Variants in TMEM232 observed in about 807,000 individuals in gnomAD.
TMEM232 encodes transmembrane protein 232.
TMEM232 carries 80 observed loss-of-function variants against 78.8 expected under a neutral mutation model. The ratio of observed to expected loss-of-function variants is 1.01; its 90% CI spans 0.85 to 1.22. TMEM232 has a LOEUF of 1.22. Among genes scored for constraint, TMEM232 ranks in the 50% most tolerant of loss-of-function variants. The pLI, the probability that TMEM232 is intolerant of heterozygous loss-of-function variation, is 0.00. For synonymous variants in TMEM232, 297 were observed against 254.3 expected (o/e 1.17, Z -1.60); for missense variants, 881 against 742.2 (o/e 1.19, Z -2.17).
intron 10 of TMEM232, among the ~76,000 whole-genome samples, chr5:110,570,838 G>A (rs1278475963): frequency 2.0e-5 from 3 of 151,802 alleles, no homozygotes; most frequent in Admixed American, 2.0e-4. Context: ...ATTCCAAATC[G>A]CATGGCCAGG....
intron 1 of TMEM232, among the ~76,000 whole-genome samples, chr5:110,701,554 C>T (rs902399115): frequency 2.0e-5 from 3 of 152,002 alleles, no homozygotes; most frequent in African/African-American, 7.2e-5. Flanking sequence ...AGCTCTCATA[C>T]TCTTTTGTCC....
intron 12 of TMEM232, among the ~76,000 whole-genome samples, chr5:110,526,921 T>C (rs1254517806): frequency 6.6e-6 from 1 of 151,864 alleles, no homozygotes; most frequent in Non-Finnish European, 1.5e-5. Flanking sequence ...AAAATTTATC[T>C]GAAATGAGGC....
At chr5:110,548,499 C>G (rs1465493578) in intron 11 of TMEM232, among the ~76,000 whole-genome samples, 1 of 150,636 alleles carries the variant, frequency 6.6e-6, no homozygotes, top group Non-Finnish European at 1.5e-5. Flanking sequence ...TAACCAGTAA[C>G]AGTAAAATAA....
downstream of TMEM232, among the ~76,000 whole-genome samples, chr5:110,417,169 A>G (rs1385530051): frequency 6.6e-6 from 1 of 152,236 alleles, no homozygotes; most frequent in Non-Finnish European, 1.5e-5. Context: ...GTAAGCATAA[A>G]TGATAAAACA....
At chr5:110,610,594 T>C (rs754766831) in intron 8 of TMEM232, 3 of 455,372 alleles carry the variant, frequency 6.6e-6, no homozygotes, top group South Asian at 3.1e-5. Flanking sequence ...TTTGCCTCAA[T>C]AGGCTCCTAA....
chr5:110,458,334 G>A (rs1387665320), intron 12 of TMEM232, among the ~76,000 whole-genome samples: 1 of 151,676 alleles, frequency 6.6e-6, no homozygotes, highest in African/African-American at 2.4e-5. Flanking sequence ...TCATATGTTG[G>A]CTTTGAGGAG....
intron 7 of TMEM232, among the ~76,000 whole-genome samples, chr5:110,619,889 A>C (rs1011009417): frequency 2.0e-5 from 3 of 152,160 alleles, no homozygotes; most frequent in African/African-American, 7.2e-5. Context: ...CATGTTGTGC[A>C]CATGTACCCT....
At chr5:110,575,954 C>T (rs1423559426) in intron 10 of TMEM232, among the ~76,000 whole-genome samples, 1 of 151,834 alleles carries the variant, frequency 6.6e-6, no homozygotes, top group Non-Finnish European at 1.5e-5. Context: ...AGCCACAACT[C>T]CAGCAAAAAA....
intron 1 of TMEM232, among the ~76,000 whole-genome samples, chr5:110,695,916 G>A (rs959892982): frequency 2.0e-4 from 31 of 151,966 alleles, no homozygotes; most frequent in East Asian, 1.4e-3. Flanking sequence ...TATTCCAATC[G>A]ATAGAAAAAA....
chr5:110,683,883 G>A (rs1386559489), intron 1 of TMEM232, among the ~76,000 whole-genome samples: 1 of 151,896 alleles, frequency 6.6e-6, no homozygotes, highest in African/African-American at 2.4e-5. Context: ...AGAAGAGCAA[G>A]GATGATTTAA....
intron 12 of TMEM232, among the ~76,000 whole-genome samples, chr5:110,457,661 AG>A (rs1270648449): frequency 2.0e-5 from 3 of 152,130 alleles, no homozygotes; most frequent in Non-Finnish European, 4.4e-5. Flanking sequence ...TGCAATATAA[AG>A]GAATTTACAC....
intron 12 of TMEM232, among the ~76,000 whole-genome samples, chr5:110,509,348 G>A (rs980410796): frequency 2.0e-5 from 3 of 152,092 alleles, no homozygotes; most frequent in Admixed American, 1.3e-4. Context: ...GAGGCAGGAG[G>A]ATCTCATGGG....
intron 1 of TMEM232, among the ~76,000 whole-genome samples, chr5:110,672,830 GTTA>G (rs142855347): frequency 0.013 from 1,936 of 151,428 alleles, 43 homozygotes; most frequent in African/African-American, 0.04. Flanking sequence ...TATTTTTATT[GTTA>G]TTATTATTAT....
intron 2 of TMEM232, among the ~76,000 whole-genome samples, chr5:110,413,588 A>G (rs1756077786): frequency 6.6e-6 from 1 of 152,044 alleles, no homozygotes; most frequent in African/African-American, 2.4e-5. Context: ...TTATCTTTCT[A>G]ATTTCATCTC....
chr5:110,480,721 G>C (rs761988385), intron 12 of TMEM232, among the ~76,000 whole-genome samples: 1 of 152,040 alleles, frequency 6.6e-6, no homozygotes, highest in Non-Finnish European at 1.5e-5. Flanking sequence ...CTATAGGAAT[G>C]AGATGTGAAT....
At chr5:110,629,454 C>T (rs1298319156) in intron 5 of TMEM232, among the ~76,000 whole-genome samples, 1 of 152,030 alleles carries the variant, frequency 6.6e-6, no homozygotes, top group African/African-American at 2.4e-5. Flanking sequence ...ACAAATCTAC[C>T]TTTCCATATT....
In TMEM232 at chr5:110,441,624, A is replaced by G. The variant is rs1035005873; in HGVS notation, c.1704-16708T>C. Among the ~76,000 whole-genome samples, 9 of 152,290 alleles carry G rather than the reference A, an allele frequency of 5.9e-5. No individual in the cohort carries two copies. In the East Asian group the frequency reaches 1.2e-3, roughly 20 times the overall value. ...ACAAAGATGATGATATAGCGTTTCT[A>G]TAATTGTGACTTCTGTCTTACTAGC... is the stretch of plus-strand genomic sequence containing the variant. On this transcript the variant is annotated intron_variant, in intron 12 of 13. Coordinates refer to ENST00000455884, the MANE Select transcript of TMEM232 (RefSeq NM_001039763.4).
chr5:110,458,405 C>G (rs1249499287), intron 12 of TMEM232, among the ~76,000 whole-genome samples: 2 of 152,078 alleles, frequency 1.3e-5, no homozygotes, highest in South Asian at 2.1e-4. Context: ...GGGCTTAACT[C>G]AGTTACTAGT....
chr5:110,731,916 G>A (rs780550560), intron 2 of TMEM232, among the ~76,000 whole-genome samples: 9 of 152,162 alleles, frequency 5.9e-5, no homozygotes, highest in Non-Finnish European at 1.3e-4. Flanking sequence ...TCATCAGGCT[G>A]CAAATTTTCT....
Sources: allele counts gnomAD v4.1 joint callset (sites outside exome capture counted in the v4.1 genomes callset), GRCh38; gene constraint gnomAD v4.1.1; transcripts MANE v1.5; gene names NCBI Gene and HGNC (gene_info 2026-07-23, HGNC 2026-07-21).